Variants in C16orf74 observed in about 807,000 individuals in gnomAD.
C16orf74 encodes the protein calcimembrin.
In C16orf74, 10 loss-of-function variants were observed where a neutral mutation model predicts 6.5. That is an observed-to-expected ratio of 1.54 (90% confidence interval 0.95 to 2.61). The LOEUF (loss-of-function observed/expected upper bound fraction) is 2.61, where lower values mean the gene tolerates loss of function less well. Among genes scored for constraint, C16orf74 ranks in the 30% most tolerant of loss-of-function variants. The pLI is 0.00. For synonymous variants in C16orf74, 60 were observed against 42.5 expected, an observed-to-expected ratio of 1.41 and a Z score of -1.60; for missense variants, 141 against 105.9, an observed-to-expected ratio of 1.33 and a Z score of -1.45.
chr16:85,717,066 G>A (rs538877897), intron 2 of C16orf74, among the ~76,000 whole-genome samples: 1 of 152,326 alleles, frequency 6.6e-6, no homozygotes, highest in South Asian at 2.1e-4. Flanking sequence ...GGGAGGCTTC[G>A]TGCTCCGGGT....
chr16:85,727,294 T>C (rs1232987997), intron 2 of C16orf74, among the ~76,000 whole-genome samples: 2 of 151,794 alleles, frequency 1.3e-5, no homozygotes, highest in African/African-American at 4.8e-5. Flanking sequence ...ATCAGAAAAA[T>C]GGGTATCATA....
chr16:85,733,331 C>T (rs1742924927), intron 2 of C16orf74, among the ~76,000 whole-genome samples: 1 of 152,200 alleles, frequency 6.6e-6, no homozygotes, highest in Non-Finnish European at 1.5e-5. Context: ...ATTCCACTGA[C>T]ACGAGGTCCC....
chr16:85,718,742 C>G (rs2054049789), intron 2 of C16orf74, among the ~76,000 whole-genome samples: 1 of 152,246 alleles, frequency 6.6e-6, no homozygotes, highest in South Asian at 2.1e-4. Context: ...ACGTAATAAA[C>G]ACAAGCTGTC....
intron 2 of C16orf74, among the ~76,000 whole-genome samples, chr16:85,731,793 T>C (rs1458502245): frequency 6.6e-6 from 1 of 151,942 alleles, no homozygotes; most frequent in Non-Finnish European, 1.5e-5. Context: ...GCTCAAGGGA[T>C]CCTCCCACCT....
chr16:85,729,073 G>C (rs527509758), intron 2 of C16orf74, among the ~76,000 whole-genome samples: 42 of 152,256 alleles, frequency 2.8e-4, no homozygotes, highest in African/African-American at 9.9e-4. Context: ...CCTTGGCTGT[G>C]CCGCCCTGCT....
rs1470539520 is a variant in C16orf74, at chr16:85,750,996, T to TGGTGGC, written c.-95_-90dup. On this transcript the variant is annotated 5_prime_UTR_variant, in exon 1 of 4. Coordinates refer to ENST00000284245, the MANE Select transcript of C16orf74 (RefSeq NM_206967.3). ...GCGAGGCCCGCCCGGGCGCTGGTGG[T>TGGTGGC]GGTGGCGGCGGCGGTCGGGCTCGGG... The TGGTGGC allele has an allele frequency of 6.7e-6, 1 of 149,138 alleles. No homozygotes were observed. The highest frequency in any genetic ancestry group is 1.5e-5 in the Non-Finnish European group (1 of 67,246). The allele number at this position is 149,138 out of a possible 1,614,324, so 9.2% of individuals were successfully genotyped here.
intron 1 of C16orf74, among the ~76,000 whole-genome samples, chr16:85,748,162 G>GTATA (rs59099249): frequency 5.9e-5 from 4 of 68,156 alleles, no homozygotes; most frequent in Non-Finnish European, 2.2e-4. Context: ...ATATATATGT[G>GTATA]TATATATATA....
intron 2 of C16orf74, among the ~76,000 whole-genome samples, chr16:85,725,357 C>T (rs1166393286): frequency 2.0e-5 from 3 of 152,182 alleles, no homozygotes; most frequent in African/African-American, 7.2e-5. Context: ...GGCAGCCAGT[C>T]CCCACCGCAG....
intron 2 of C16orf74, among the ~76,000 whole-genome samples, chr16:85,716,019 G>A (rs1216683139): frequency 6.8e-6 from 1 of 146,156 alleles, no homozygotes; most frequent in Non-Finnish European, 1.5e-5. Context: ...ATGATCGGAG[G>A]CCCCCGACAA....
At chr16:85,720,386 C>T (rs536449955) in intron 2 of C16orf74, among the ~76,000 whole-genome samples, 149 of 152,226 alleles carry the variant, frequency 9.8e-4, no homozygotes, top group Middle Eastern at 6.8e-3. Flanking sequence ...TCCCAGTTCC[C>T]GTGGTCTGTT....
intron 2 of C16orf74, among the ~76,000 whole-genome samples, chr16:85,729,042 T>A (rs565160018): frequency 2.6e-4 from 39 of 152,128 alleles, no homozygotes; most frequent in African/African-American, 9.4e-4. Context: ...CTGAGAACCA[T>A]GCAGCAGGAC....
intron 2 of C16orf74, among the ~76,000 whole-genome samples, chr16:85,719,354 C>G (rs2054056351): frequency 6.6e-6 from 1 of 152,132 alleles, no homozygotes; most frequent in Non-Finnish European, 1.5e-5. Flanking sequence ...TCAGGGTCAA[C>G]TGGAGAAAAA....
In C16orf74 at chr16:85,712,715, C is replaced by T. The variant is rs115881109; in HGVS notation, c.29-2408G>A. On this transcript the variant is annotated intron_variant, in intron 2 of 3. Transcript: ENST00000284245. Reference sequence around the variant, plus strand: ...TCAGGCCACCAGCTGTGTGACCCTGCGTGCACTGCACCTCCTCTCTGGGCC... The same window carrying T: ...TCAGGCCACCAGCTGTGTGACCCTGTGTGCACTGCACCTCCTCTCTGGGCC... Among the ~76,000 whole-genome samples the T allele has an allele frequency of 2.2e-3, 333 of 152,344 alleles. 1 individual carries two copies. Among genetic ancestry groups the T allele is most frequent in the African/African-American group, 7.3e-3 (302 of 41,576 alleles).
intron 1 of C16orf74, among the ~76,000 whole-genome samples, chr16:85,736,459 T>C (rs957610034): frequency 6.6e-6 from 1 of 151,800 alleles, no homozygotes; most frequent in Non-Finnish European, 1.5e-5. Flanking sequence ...GAGGTGAATG[T>C]GAAGATGGCA....
At chr16:85,728,329 A>G (rs1412852660) in intron 2 of C16orf74, among the ~76,000 whole-genome samples, 1 of 152,124 alleles carries the variant, frequency 6.6e-6, no homozygotes, top group Non-Finnish European at 1.5e-5. Flanking sequence ...GTAAATTAAA[A>G]CTGTCCTAAA....
In C16orf74 at chr16:85,735,134, C is replaced by T. The variant is rs1043192442; in HGVS notation, c.28+56G>A. ...TTCAACTCCCCTCTCTCCTGCCCCC[C>T]AACCCAGCACCCCCTCTGCCATGAG... On this transcript the variant is annotated intron_variant, in intron 2 of 3. Coordinates refer to ENST00000284245, the MANE Select transcript of C16orf74 (RefSeq NM_206967.3). 4.5e-6 allele frequency: 7 copies of T among 1,545,302 alleles called. No individual in the cohort carries two copies. The highest frequency in any genetic ancestry group is 6.2e-6 in the Non-Finnish European group (7 of 1,134,090).
intron 1 of C16orf74, chr16:85,744,043 G>C (rs1423013407): frequency 2.2e-5 from 3 of 138,584 alleles, no homozygotes; most frequent in Non-Finnish European, 3.1e-5. Context: ...GACAGAGCGA[G>C]ACTCCATCTC....
chr16:85,730,896 G>A (rs937739733), intron 2 of C16orf74, among the ~76,000 whole-genome samples: 1 of 134,592 alleles, frequency 7.4e-6, no homozygotes, highest in Non-Finnish European at 1.5e-5. Flanking sequence ...AACCCCCCCA[G>A]ATCAGCTGAC....
intron 1 of C16orf74, among the ~76,000 whole-genome samples, chr16:85,743,036 A>C (rs1279799481): frequency 6.6e-6 from 1 of 152,174 alleles, no homozygotes; most frequent in Non-Finnish European, 1.5e-5. Context: ...CACCCCCACT[A>C]CGTGGCCCCA....
Sources: gnomAD v4.1 joint callset for allele counts (sites outside exome capture counted in the v4.1 genomes callset) on GRCh38, gnomAD v4.1.1 for gene constraint, MANE v1.5 for transcripts, NCBI Gene and HGNC (gene_info 2026-07-23, HGNC 2026-07-21) for gene names.